The following CEP350 variants were observed in gnomAD, a reference collection of about 807,000 sequenced individuals.
CEP350 encodes the protein centrosomal protein 350, also known as centrosome-associated protein 350.
A neutral mutation model predicts 331.8 loss-of-function variants in CEP350; 126 were observed. That is an observed-to-expected ratio of 0.38 (90% confidence interval 0.33 to 0.44). The LOEUF is 0.44. CEP350 is among the 20% of genes least tolerant of loss of function. The probability of loss-of-function intolerance (pLI) is 1.00; values close to 1 mark genes in which losing one functional copy is unlikely to be tolerated. For synonymous variants in CEP350, 1,200 were observed against 1,259.5 expected (o/e 0.95, Z 1.00); for missense variants, 3,406 against 3,634.6 (o/e 0.94, Z 1.62).
chr1:180,097,349 C>A (rs1660540827), intron 36 of CEP350, among the ~76,000 whole-genome samples: 1 of 152,204 alleles, frequency 6.6e-6, no homozygotes, highest in Admixed American at 6.5e-5. Flanking sequence ...AATTGGCCAT[C>A]CCCTGGCTTA....
intron 14 of CEP350, among the ~76,000 whole-genome samples, chr1:180,026,473 C>T (rs1045794350): frequency 1.3e-5 from 2 of 152,112 alleles, no homozygotes; most frequent in African/African-American, 2.4e-5. Flanking sequence ...ATATACATGA[C>T]ATAGAATTTA....
At chr1:180,002,152 A>G (rs548660222) in intron 6 of CEP350, among the ~76,000 whole-genome samples, 21 of 152,310 alleles carry the variant, frequency 1.4e-4, no homozygotes, top group Non-Finnish European at 2.6e-4. Flanking sequence ...TGCTGGTGAG[A>G]ATGCAAAATG....
chr1:180,091,604 G>A (rs1405511576), intron 33 of CEP350, among the ~76,000 whole-genome samples: 2 of 152,126 alleles, frequency 1.3e-5, no homozygotes, highest in African/African-American at 4.8e-5. Flanking sequence ...GCTGAAGTAG[G>A]CAGGTCACTT....
At chr1:179,987,396 C>A in intron 3 of CEP350, 110 bp downstream of exon 3, 1 of 349,424 alleles carries the variant, frequency 2.9e-6, no homozygotes, top group Middle Eastern at 9.2e-4. Flanking sequence ...CTATATATTA[C>A]TATAGAATAA....
chr1:180,103,313 C>T (rs765027045), intron 37 of CEP350, among the ~76,000 whole-genome samples: 1 of 152,018 alleles, frequency 6.6e-6, no homozygotes, highest in Non-Finnish European at 1.5e-5. Context: ...GCACAATTGC[C>T]GGCATTCGCT....
chr1:179,955,376 C>G (rs1165112735), intron 1 of CEP350, among the ~76,000 whole-genome samples: 2 of 152,182 alleles, frequency 1.3e-5, no homozygotes. Flanking sequence ...CCTTACGTGC[C>G]AGTGTCCTCC....
Position 180,041,254 on chromosome 1 carries a change from T to C in CEP350, c.4221+6T>C, listed in dbSNP as rs762309630. ...CCCGAAACAAAGCAGCTCAGGTAAC[T>C]TATTTTGCAGCAGGTTCTTGTTTTT... On this transcript the variant is annotated splice_donor_region_variant and intron_variant, in intron 18 of 37. Coordinates refer to ENST00000367607, the MANE Select transcript of CEP350 (RefSeq NM_014810.5). 6.4e-7 allele frequency: 1 copy of C among 1,558,476 alleles called. No individual in the cohort carries two copies. Among genetic ancestry groups the C allele is most frequent in the Non-Finnish European group, 8.7e-7 (1 of 1,153,852 alleles).
Position 180,020,228 on chromosome 1 carries a change from T to C in CEP350, c.2454T>C (p.Tyr818=). 6.2e-7 allele frequency: 1 copy of C among 1,614,032 alleles called. No homozygotes were observed. The highest frequency in any genetic ancestry group is 2.2e-5 in the East Asian group (1 of 44,888). Residue 818 remains tyrosine, a synonymous_variant, in exon 12 of 38, where the codon TAT becomes TAC. Coordinates refer to ENST00000367607, the MANE Select transcript of CEP350 (RefSeq NM_014810.5). ...TGTTAAAACCTAGTGCCAGCCAATA[T>C]AAGAGTAAACTGGATCGTATTGAAG... ...DALLKPSASQ[Y]KSKLDRIEAL... is the part of the protein sequence containing the mutation.
At chr1:180,028,989 T>A (rs1375883988) in intron 14 of CEP350, among the ~76,000 whole-genome samples, 1 of 152,160 alleles carries the variant, frequency 6.6e-6, no homozygotes, top group Non-Finnish European at 1.5e-5. Flanking sequence ...TTCCACAGCA[T>A]CTTCTTAAAC....
At position 180,053,180 on chromosome 1, in the gene CEP350, T is replaced by C. The variant is rs764807057; in HGVS notation, c.4989+14T>C. The C allele has an allele frequency of 5.4e-6, 8 of 1,485,040 alleles. No homozygotes were observed. Among genetic ancestry groups the C allele is most frequent in the African/African-American group, 4.3e-5 (3 of 70,156 alleles). 92.0% of individuals were successfully genotyped at this position (1,485,040 alleles called of 1,614,324 possible). On this transcript the variant is annotated intron_variant, in intron 23 of 37. Transcript: ENST00000367607. The stretch of plus-strand genomic sequence containing the variant: ...TCTACTGCCAAGGTGTGTTTCACTT[T>C]ATCTGTGGAGGTAAATGGTTGTGGA...
chr1:179,988,434 G>A (rs1294817306), intron 3 of CEP350, among the ~76,000 whole-genome samples: 1 of 152,164 alleles, frequency 6.6e-6, no homozygotes, highest in East Asian at 1.9e-4. Context: ...CAATTTGGAT[G>A]CCCTTTATTT....
In CEP350 at chr1:180,020,903, G is replaced by A; in HGVS notation, c.3129G>A (p.Gly1043=). 1 of 1,612,914 alleles carries A rather than the reference G, an allele frequency of 6.2e-7. No homozygotes were observed. The highest frequency in any genetic ancestry group is 2.2e-5 in the East Asian group (1 of 44,884). The part of the protein sequence containing the change: ...KEAEKFLPLF[G]HIGGTQSKGP... ...CTGAAAAATTCTTGCCACTTTTTGG[G>A]CACATAGGTGGTACACAAAGCAAAG... is the stretch of plus-strand genomic sequence containing the variant. The change falls in exon 12 of 38, where the codon GGG becomes GGA. Residue 1043 remains glycine, a synonymous_variant. Coordinates refer to ENST00000367607, the MANE Select transcript of CEP350 (RefSeq NM_014810.5).
At chr1:180,035,945 C>T (rs889243794) in intron 16 of CEP350, among the ~76,000 whole-genome samples, 1 of 152,186 alleles carries the variant, frequency 6.6e-6, no homozygotes, top group Non-Finnish European at 1.5e-5. Flanking sequence ...GTAAATTGAT[C>T]ACCTTCTGGA....
At chr1:180,002,523 T>C (rs1389963851) in intron 6 of CEP350, among the ~76,000 whole-genome samples, 3 of 151,896 alleles carry the variant, frequency 2.0e-5, no homozygotes, top group Non-Finnish European at 4.4e-5. Context: ...ATAGCTAAGG[T>C]AAAATAAATA....
At chr1:180,019,512 A>G (rs1655181012) in intron 11 of CEP350, among the ~76,000 whole-genome samples, 1 of 152,234 alleles carries the variant, frequency 6.6e-6, no homozygotes, top group South Asian at 2.1e-4. Context: ...TCATGTCTAC[A>G]TTAATATTTA....
intron 25 of CEP350, among the ~76,000 whole-genome samples, chr1:180,058,276 T>C (rs1657979289): frequency 6.6e-6 from 1 of 152,244 alleles, no homozygotes; most frequent in African/African-American, 2.4e-5. Context: ...TGTAGAGATT[T>C]CTGAAATGAT....
chr1:180,013,377 G>C (rs1654777462), intron 9 of CEP350, among the ~76,000 whole-genome samples: 1 of 152,086 alleles, frequency 6.6e-6, no homozygotes, highest in African/African-American at 2.4e-5. Context: ...ATGCAGTCTG[G>C]TCTTTGCAAA....
At chr1:180,008,923 T>C (rs979223895) in intron 8 of CEP350, among the ~76,000 whole-genome samples, 1 of 152,218 alleles carries the variant, frequency 6.6e-6, no homozygotes, top group Non-Finnish European at 1.5e-5. Flanking sequence ...TTGTTAACTT[T>C]AGATGTCATA....
At chr1:179,979,532 A>G (rs1652121755) in intron 1 of CEP350, among the ~76,000 whole-genome samples, 1 of 151,864 alleles carries the variant, frequency 6.6e-6, no homozygotes. Context: ...CTTGCTGTGC[A>G]GAAGCTTTTT....
Sources: gnomAD v4.1 joint callset for allele counts (sites outside exome capture counted in the v4.1 genomes callset) on GRCh38, gnomAD v4.1.1 for gene constraint, MANE v1.5 for transcripts, NCBI Gene and HGNC (gene_info 2026-07-23, HGNC 2026-07-21) for gene names.